CDH10: variants seen among roughly 807,000 people sequenced by gnomAD.
The protein encoded by CDH10 is cadherin 10.
In CDH10, 30 loss-of-function variants were observed where a neutral mutation model predicts 73.1. The ratio of observed to expected loss-of-function variants is 0.41; its 90% CI spans 0.31 to 0.56. The LOEUF is 0.56. CDH10 is among the 20% of genes least tolerant of loss of function. The pLI is 0.27. For synonymous variants in CDH10, 345 were observed against 348.2 expected (o/e 0.99, Z 0.10); for missense variants, 815 against 973.7 (o/e 0.84, Z 2.17).
intron 1 of CDH10, among the ~76,000 whole-genome samples, chr5:24,607,061 C>T (rs1486870643): frequency 6.6e-6 from 1 of 152,210 alleles, no homozygotes; most frequent in East Asian, 1.9e-4. Context: ...AACTTTATTT[C>T]CTCAGCTTGG....
intron 2 of CDH10, among the ~76,000 whole-genome samples, chr5:24,561,266 G>T (rs1169329295): frequency 2.0e-5 from 3 of 152,072 alleles, no homozygotes; most frequent in Non-Finnish European, 4.4e-5. Flanking sequence ...ATCTCTGGAG[G>T]ACTAACAAAA....
chr5:24,584,313 G>T (rs1030573667), intron 2 of CDH10, among the ~76,000 whole-genome samples: 1 of 151,850 alleles, frequency 6.6e-6, no homozygotes, highest in Non-Finnish European at 1.5e-5. Flanking sequence ...AAAAACTGGT[G>T]ATTTAAATTA....
intron 1 of CDH10, among the ~76,000 whole-genome samples, chr5:24,621,885 C>T (rs867085516): frequency 2.6e-5 from 4 of 152,224 alleles, no homozygotes; most frequent in Middle Eastern, 3.4e-3. Context: ...CAAATAAAGG[C>T]CCCACCCAAG....
chr5:24,553,326 C>T (rs562148925), intron 2 of CDH10, among the ~76,000 whole-genome samples: 1 of 152,178 alleles, frequency 6.6e-6, no homozygotes, highest in Admixed American at 6.5e-5. Context: ...GCTCAACAGG[C>T]CCTTTCAGTC....
chr5:24,606,428 G>A (rs1746763079), intron 1 of CDH10, among the ~76,000 whole-genome samples: 1 of 151,946 alleles, frequency 6.6e-6, no homozygotes, highest in Admixed American at 6.6e-5. Context: ...TTGGCCAACA[G>A]GGTGAAAGCT....
chr5:24,548,734 A>C (rs1744437027), intron 2 of CDH10, among the ~76,000 whole-genome samples: 2 of 152,110 alleles, frequency 1.3e-5, no homozygotes, highest in African/African-American at 4.8e-5. Context: ...GATAAACAAA[A>C]AGAAAACTTT....
At chr5:24,511,833 G>A (rs12108871) in intron 5 of CDH10, among the ~76,000 whole-genome samples, 1,665 of 152,208 alleles carry the variant, frequency 0.011, 36 homozygotes, top group African/African-American at 0.038. Context: ...ATCTCTCGCA[G>A]GAACATGGAT....
At chr5:24,577,073 A>G (rs1177006317) in intron 2 of CDH10, among the ~76,000 whole-genome samples, 1 of 20,028 alleles carries the variant, frequency 5.0e-5, no homozygotes, top group Non-Finnish European at 1.8e-4. Flanking sequence ...CGTCAAAGTT[A>G]TTTAAAAAAA....
chr5:24,595,764 T>G (rs1746351158), intron 1 of CDH10, among the ~76,000 whole-genome samples: 1 of 151,922 alleles, frequency 6.6e-6, no homozygotes, highest in South Asian at 2.1e-4. Flanking sequence ...TTTACATTTT[T>G]AAAAATTGTC....
intron 1 of CDH10, among the ~76,000 whole-genome samples, chr5:24,616,549 C>T (rs1010041916): frequency 6.6e-6 from 1 of 151,132 alleles, no homozygotes; most frequent in Admixed American, 6.6e-5. Context: ...TAGTAGATTG[C>T]AATTTTTTTT....
chr5:24,590,973 G>A (rs1395721120), intron 2 of CDH10, among the ~76,000 whole-genome samples: 1 of 151,962 alleles, frequency 6.6e-6, no homozygotes, highest in Non-Finnish European at 1.5e-5. Flanking sequence ...ATTTCTGAAA[G>A]AAAATATGAC....
chr5:24,538,803 C>A (rs1744050130), intron 2 of CDH10, among the ~76,000 whole-genome samples: 1 of 152,048 alleles, frequency 6.6e-6, no homozygotes, highest in Non-Finnish European at 1.5e-5. Context: ...ATGGGTATAC[C>A]TCCTGCCCTA....
chr5:24,637,944 G>A (rs1747920020), intron 1 of CDH10, among the ~76,000 whole-genome samples: 1 of 151,712 alleles, frequency 6.6e-6, no homozygotes, highest in Non-Finnish European at 1.5e-5. Flanking sequence ...CCTAGAAACA[G>A]GCTTGATCTA....
chr5:24,534,279 A>G (rs1743859282), intron 5 of CDH10, among the ~76,000 whole-genome samples: 1 of 152,108 alleles, frequency 6.6e-6, no homozygotes, highest in African/African-American at 2.4e-5. Context: ...CTGGACATTC[A>G]GGACATAGGC....
intron 1 of CDH10, among the ~76,000 whole-genome samples, chr5:24,620,993 G>T (rs963164877): frequency 2.0e-5 from 3 of 152,168 alleles, no homozygotes; most frequent in African/African-American, 7.2e-5. Context: ...GGACCTATCA[G>T]CATTTGACTT....
intron 2 of CDH10, among the ~76,000 whole-genome samples, chr5:24,559,835 T>G (rs1427936693): frequency 6.6e-6 from 1 of 152,162 alleles, no homozygotes; most frequent in Non-Finnish European, 1.5e-5. Flanking sequence ...TTGAACTGAT[T>G]AAAATGCAAA....
At position 24,488,070 on chromosome 5, in the gene CDH10, T is replaced by C; in HGVS notation, c.1960A>G (p.Ile654Val). The change falls in exon 12 of 12, where the codon ATT (isoleucine) becomes GTT (valine). Residue 654 changes from isoleucine (I) to valine (V), a missense_variant. Coordinates refer to ENST00000264463, the MANE Select transcript of CDH10 (RefSeq NM_006727.5). ...CCACCCTCATCGTTATAGCTCACAA[T>C]GTTGTCTCTGATATCTTCTTTTGAC... is the stretch of plus-strand genomic sequence containing the variant. Reference protein sequence around the residue: ...ILSKEDIRDNIVSYNDEGGGE... With the variant: ...ILSKEDIRDNVVSYNDEGGGE... 6.2e-7 allele frequency: 1 copy of C among 1,614,024 alleles called. No homozygotes were observed. Among genetic ancestry groups the C allele is most frequent in the Non-Finnish European group, 8.5e-7 (1 of 1,179,944 alleles).
chr5:24,506,485 G>T (rs1742703548), intron 7 of CDH10, among the ~76,000 whole-genome samples: 1 of 152,112 alleles, frequency 6.6e-6, no homozygotes, highest in Non-Finnish European at 1.5e-5. Context: ...GGAAGCATTT[G>T]TCTCCTTCAC....
In CDH10 at chr5:24,487,843, G is replaced by C. The variant is rs1561115772; in HGVS notation, c.2187C>G (p.Pro729=). Residue 729 remains proline (P), a synonymous_variant, in exon 12 of 12, where the codon CCC becomes CCG. Coordinates refer to ENST00000264463, the MANE Select transcript of CDH10 (RefSeq NM_006727.5). ...KEHDLDPTAP[P]YDSLATYAYE... Reference sequence around the variant, plus strand: ...AGGCATAGGTTGCAAGTGAGTCGTAGGGGGGTGCGGTGGGGTCAAGATCAT... The same window carrying C: ...AGGCATAGGTTGCAAGTGAGTCGTACGGGGGTGCGGTGGGGTCAAGATCAT... The C allele has an allele frequency of 6.2e-7, 1 of 1,613,784 alleles. No homozygotes were observed. The highest frequency in any genetic ancestry group is 8.5e-7 in the Non-Finnish European group (1 of 1,179,804).
Sources: gnomAD v4.1 joint callset for allele counts (sites outside exome capture counted in the v4.1 genomes callset) on GRCh38, gnomAD v4.1.1 for gene constraint, MANE v1.5 for transcripts, NCBI Gene and HGNC (gene_info 2026-07-23, HGNC 2026-07-21) for gene names.